The following CMKLR1 variants were observed in gnomAD, a reference collection of about 807,000 sequenced individuals.
CMKLR1 encodes the protein chemerin chemokine-like receptor 1.
A neutral mutation model predicts 8.2 loss-of-function variants in CMKLR1; 6 were observed. That is an observed-to-expected ratio of 0.73 (90% CI 0.40 to 1.44). CMKLR1 has a LOEUF of 1.44. CMKLR1 is among the 40% of genes most tolerant of loss of function. The pLI is 0.02. For synonymous variants in CMKLR1, 178 were observed against 181.2 expected, an observed-to-expected ratio of 0.98 and a Z score of 0.14; for missense variants, 429 against 478.0, an observed-to-expected ratio of 0.90 and a Z score of 0.96.
intron 2 of CMKLR1, among the ~76,000 whole-genome samples, chr12:108,322,897 A>G (rs1055141595): frequency 2.0e-5 from 3 of 152,184 alleles, no homozygotes; most frequent in Non-Finnish European, 4.4e-5. Context: ...ATTTCATCCA[A>G]TTGCCACAGC....
intron 2 of CMKLR1, among the ~76,000 whole-genome samples, chr12:108,312,448 G>A (rs997552082): frequency 6.6e-6 from 1 of 152,200 alleles, no homozygotes; most frequent in African/African-American, 2.4e-5. Context: ...CTGTCACAGG[G>A]TCCTGGGGTG....
At chr12:108,314,690 C>G (rs1325839041) in intron 2 of CMKLR1, among the ~76,000 whole-genome samples, 2 of 152,168 alleles carry the variant, frequency 1.3e-5, no homozygotes, top group Non-Finnish European at 2.9e-5. Flanking sequence ...AGAACTGAAG[C>G]TTTGGTAGCA....
chr12:108,295,381 T>C (rs1487540447), intron 2 of CMKLR1, among the ~76,000 whole-genome samples: 1 of 152,242 alleles, frequency 6.6e-6, no homozygotes, highest in East Asian at 1.9e-4. Flanking sequence ...TCTGCTCAGA[T>C]TGATGACCAT....
In CMKLR1 at chr12:108,292,566, T is replaced by C. The variant is rs756768774; in HGVS notation, c.397A>G (p.Ile133Val). ...ACAGAGATGCAGCGGTCAGAGCTGATGATGGTCAGCAGGAAGACGCTGGTG... is the reference window on the plus strand; with the variant it reads ...ACAGAGATGCAGCGGTCAGAGCTGACGATGGTCAGCAGGAAGACGCTGGTG... ...MFTSVFLLTI[I>V]SSDRCISVLL... is the part of the protein sequence containing the mutation. The change falls in exon 4 of 4, where the codon ATC becomes GTC. Residue 133 changes from isoleucine (I) to valine (V), a missense_variant. Coordinates refer to ENST00000550402, the MANE Select transcript of CMKLR1 (RefSeq NM_001142343.2). 2 of 1,614,064 alleles carry C rather than the reference T, an allele frequency of 1.2e-6. No homozygotes were observed. The highest frequency in any genetic ancestry group is 1.7e-6 in the Non-Finnish European group (2 of 1,180,010).
intron 2 of CMKLR1, among the ~76,000 whole-genome samples, chr12:108,318,583 G>A (rs566053372): frequency 1.6e-4 from 25 of 152,304 alleles, no homozygotes; most frequent in Non-Finnish European, 4.4e-5. Context: ...ACAGTGTGAG[G>A]GAGATTTCTG....
intron 2 of CMKLR1, among the ~76,000 whole-genome samples, chr12:108,317,556 G>A (rs953711005): frequency 3.9e-5 from 6 of 152,200 alleles, no homozygotes; most frequent in African/African-American, 9.7e-5. Context: ...AAGGAAAGCC[G>A]TAGTCAGCTG....
intron 2 of CMKLR1, among the ~76,000 whole-genome samples, chr12:108,327,893 G>A (rs1429222281): frequency 1.3e-5 from 2 of 152,206 alleles, no homozygotes. Flanking sequence ...GTGGATCAGA[G>A]GCCAGCCTTC....
At chr12:108,299,096 C>A (rs1404647414) in intron 2 of CMKLR1, among the ~76,000 whole-genome samples, 2 of 152,204 alleles carry the variant, frequency 1.3e-5, no homozygotes, top group Admixed American at 1.3e-4. Flanking sequence ...GCTAAAGTGA[C>A]AGGAATTTGT....
intron 2 of CMKLR1, 111 bp from the exon 3 acceptor site, chr12:108,293,775 C>G (rs1440164625): frequency 6.1e-6 from 4 of 651,952 alleles, no homozygotes; most frequent in African/African-American, 1.8e-5. Context: ...TCCCATTTTA[C>G]AGAGAAGGAA....
At chr12:108,301,366 G>T (rs566186197) in intron 2 of CMKLR1, among the ~76,000 whole-genome samples, 14 of 151,958 alleles carry the variant, frequency 9.2e-5, no homozygotes, top group Admixed American at 9.2e-4. Context: ...ATGAGCCACC[G>T]TGCTCGGCCG....
At chr12:108,333,672 T>G (rs757910669) in intron 1 of CMKLR1, among the ~76,000 whole-genome samples, 4 of 152,126 alleles carry the variant, frequency 2.6e-5, no homozygotes, top group Non-Finnish European at 4.4e-5. Flanking sequence ...GAGGTTAAAG[T>G]TCAGAGCTGG....
intron 1 of CMKLR1, among the ~76,000 whole-genome samples, chr12:108,330,650 A>G (rs1593180243): frequency 6.6e-6 from 1 of 152,262 alleles, no homozygotes; most frequent in Non-Finnish European, 1.5e-5. Context: ...CCACCATCAG[A>G]GAGAACCCCA....
intron 2 of CMKLR1, among the ~76,000 whole-genome samples, chr12:108,313,910 A>G (rs2176095): frequency 0.74 from 113,079 of 151,910 alleles, 42,788 homozygotes; most frequent in East Asian, 0.97. Flanking sequence ...ACACAGGACA[A>G]GCCAGCCACC....
intron 2 of CMKLR1, 118 bp downstream of exon 2, chr12:108,329,877 T>C (rs1407075485): frequency 6.6e-6 from 1 of 152,204 alleles, no homozygotes; most frequent in Non-Finnish European, 1.5e-5. Context: ...GAGTGTAGTC[T>C]AACTTAGGGT....
chr12:108,313,103 C>A (rs1483000711), intron 2 of CMKLR1, among the ~76,000 whole-genome samples: 1 of 152,098 alleles, frequency 6.6e-6, no homozygotes, highest in Non-Finnish European at 1.5e-5. Context: ...CCACTGCCAG[C>A]AATCAGGACG....
chr12:108,314,439 T>C (rs1891665511), intron 2 of CMKLR1, among the ~76,000 whole-genome samples: 1 of 152,146 alleles, frequency 6.6e-6, no homozygotes, highest in Non-Finnish European at 1.5e-5. Flanking sequence ...ACATGGGGGA[T>C]CTGATCACGG....
intron 1 of CMKLR1, among the ~76,000 whole-genome samples, chr12:108,337,257 T>C (rs1892249324): frequency 6.6e-6 from 1 of 152,172 alleles, no homozygotes; most frequent in African/African-American, 2.4e-5. Context: ...CATGTGGCCA[T>C]GGTGAGGATT....
Position 108,288,983 on chromosome 12 carries a change from C to G in CMKLR1, c.*2858G>C, listed in dbSNP as rs866128919. On this transcript the variant is annotated 3_prime_UTR_variant, in exon 4 of 4. Coordinates refer to ENST00000550402, the MANE Select transcript of CMKLR1 (RefSeq NM_001142343.2). ...CCCCCCCACCTTGCTATGATGGTCC[C>G]CTTCTGCCAGGGCCAATTTGAGGTT... The G allele has an allele frequency of 1.3e-5, 2 of 151,312 alleles. No homozygotes were observed. Among genetic ancestry groups the G allele is most frequent in the African/African-American group, 2.4e-5 (1 of 41,074 alleles). 9.4% of individuals were successfully genotyped at this position (151,312 alleles called of 1,614,324 possible). A position where few individuals can be genotyped will look rare whatever the true frequency, so the allele number is the denominator to read the frequency against.
At chr12:108,315,409 A>G (rs1667464645) in intron 2 of CMKLR1, among the ~76,000 whole-genome samples, 1 of 152,042 alleles carries the variant, frequency 6.6e-6, no homozygotes, top group African/African-American at 2.4e-5. Flanking sequence ...TGTTCCTTTC[A>G]TTCTCAAAGT....
Sources: gnomAD v4.1 joint callset for allele counts (sites outside exome capture counted in the v4.1 genomes callset) on GRCh38, gnomAD v4.1.1 for gene constraint, MANE v1.5 for transcripts, NCBI Gene and HGNC (gene_info 2026-07-23, HGNC 2026-07-21) for gene names.